Variants in UNG observed in about 807,000 individuals in gnomAD.
UNG encodes the protein uracil-DNA glycosylase.
Under a neutral mutation model 36.5 loss-of-function variants are expected in UNG, and 34 were observed. That is an observed-to-expected ratio of 0.93 (90% CI 0.71 to 1.24). The LOEUF is 1.24. Among genes scored for constraint, UNG ranks in the 50% most tolerant of loss-of-function variants. UNG has a pLI of 0.00. For synonymous variants in UNG, 172 were observed against 157.8 expected (o/e 1.09, Z -0.67); for missense variants, 391 against 397.6 (o/e 0.98, Z 0.14).
At chr12:109,100,878 A>G (rs921785093) in intron 3 of UNG, among the ~76,000 whole-genome samples, 1 of 152,198 alleles carries the variant, frequency 6.6e-6, no homozygotes, top group Admixed American at 6.5e-5. Flanking sequence ...TAAGAACGCA[A>G]TGGCAGAAGC....
chr12:109,102,896 C>T lies in UNG; in HGVS notation c.591C>T (p.Gly197=). ...STDIEDFVHP[G]HGDLSGWAKQ... is the part of the protein sequence containing the mutation. ...ACATAGAGGATTTTGTTCATCCTGG[C>T]CATGGAGATTTATCTGGGTGGGCCA... is the stretch of plus-strand genomic sequence containing the variant. The change falls in exon 5 of 7, where the codon GGC becomes GGT. Residue 197 remains glycine (G), a synonymous_variant. Coordinates refer to ENST00000242576, the MANE Select transcript of UNG (RefSeq NM_080911.3). 6.2e-7 allele frequency: 1 copy of T among 1,612,004 alleles called. No homozygotes were observed. Among genetic ancestry groups the T allele is most frequent in the South Asian group, 1.1e-5 (1 of 90,986 alleles).
chr12:109,097,856 A>G (rs1364113705), intron 1 of UNG, 45 bp downstream of exon 1: 1 of 1,482,140 alleles, frequency 6.7e-7, no homozygotes, highest in East Asian at 2.5e-5. Context: ...AGGGGGAGGA[A>G]GGCGGTGGGC....
Position 109,101,903 on chromosome 12 carries a change from T to C in UNG, c.437T>C (p.Val146Ala). 1 of 1,613,930 alleles carries C rather than the reference T, an allele frequency of 6.2e-7. No homozygotes were observed. Among genetic ancestry groups the C allele is most frequent in the Non-Finnish European group, 8.5e-7 (1 of 1,179,908 alleles). Reference sequence around the variant, plus strand: ...TTCCTGACCCCTGGTGGTTCACAGGTGAAGGTTGTCATCCTGGGACAGGAT... The same window carrying C: ...TTCCTGACCCCTGGTGGTTCACAGGCGAAGGTTGTCATCCTGGGACAGGAT... ...TWTQMCDIKDVKVVILGQDPY... is the reference protein window; with the variant it reads ...TWTQMCDIKDAKVVILGQDPY... Residue 146 changes from valine (V) to alanine (A), a missense_variant and splice_region_variant, in exon 4 of 7, where the codon GTG (valine) becomes GCG (alanine). Coordinates refer to ENST00000242576, the MANE Select transcript of UNG (RefSeq NM_080911.3).
At chr12:109,105,813 T>A (rs541584879) in intron 6 of UNG, among the ~76,000 whole-genome samples, 29 of 152,362 alleles carry the variant, frequency 1.9e-4, no homozygotes, top group African/African-American at 6.5e-4. Flanking sequence ...ACCTTTGCCT[T>A]CATTCAGGCC....
intron 3 of UNG, among the ~76,000 whole-genome samples, chr12:109,100,857 G>A (rs1427170476): frequency 6.6e-6 from 1 of 152,246 alleles, no homozygotes; most frequent in African/African-American, 2.4e-5. Context: ...GTCAGCTGTG[G>A]AGGAAGATTC....
In UNG at chr12:109,103,569, C is replaced by G. The variant is rs76391872; in HGVS notation, c.759C>G (p.Leu253=). The G allele has an allele frequency of 3.4e-3, 5,504 of 1,613,926 alleles. 176 individuals carry two copies. In the African/African-American group the frequency reaches 0.066, roughly 19 times the overall value. The change falls in exon 6 of 7, where the codon CTC becomes CTG. Residue 253 remains leucine, a synonymous_variant. Transcript: ENST00000242576. ...ACTCGAATGGCCTTGTTTTCTTGCT[C>G]TGGGGCTCTTATGCTCAGAAGAAGG... ...NQNSNGLVFL[L]WGSYAQKKGS...
At chr12:109,107,087 G>T (rs1223839377) in intron 6 of UNG, among the ~76,000 whole-genome samples, 2 of 150,880 alleles carry the variant, frequency 1.3e-5, no homozygotes, top group Non-Finnish European at 2.9e-5. Context: ...GTGTGTAGTG[G>T]TAGGTTATCC....
At position 109,101,913 on chromosome 12, in the gene UNG, C is replaced by A; in HGVS notation, c.447C>A (p.Val149=). 1 of 1,613,980 alleles carries A rather than the reference C, an allele frequency of 6.2e-7. No homozygotes were observed. Among genetic ancestry groups the A allele is most frequent in the South Asian group, 1.1e-5 (1 of 91,050 alleles). ...CTGGTGGTTCACAGGTGAAGGTTGTCATCCTGGGACAGGATCCATATCATG... is the reference window on the plus strand; with the variant it reads ...CTGGTGGTTCACAGGTGAAGGTTGTAATCCTGGGACAGGATCCATATCATG... The part of the protein sequence containing the change: ...QMCDIKDVKV[V]ILGQDPYHGP... Residue 149 remains valine (V), a synonymous_variant, in exon 4 of 7, where the codon GTC becomes GTA. Coordinates refer to ENST00000242576, the MANE Select transcript of UNG (RefSeq NM_080911.3).
intron 6 of UNG, 55 bp from the exon 7 acceptor site, chr12:109,109,774 A>C: frequency 6.2e-7 from 1 of 1,600,744 alleles, no homozygotes; most frequent in Non-Finnish European, 8.5e-7. Context: ...AAAAAAAAAA[A>C]AAAAAAATTT....
At chr12:109,109,565 AC>A (rs1193945642) in intron 6 of UNG, among the ~76,000 whole-genome samples, 2 of 151,946 alleles carry the variant, frequency 1.3e-5, no homozygotes, top group African/African-American at 4.8e-5. Context: ...CGAGCGGATC[AC>A]GAGGTCAAGA....
rs2042187808 is a variant in UNG at position 109,102,778 on chromosome 12, C to T, written c.534-61C>T. ...CTTTTCACATATGTCTTAGACGTTA[C>T]TGAGCTTTCAAAATTATGCTTAAGA... is the stretch of plus-strand genomic sequence containing the variant. On this transcript the variant is annotated intron_variant, in intron 4 of 6. Coordinates refer to ENST00000242576, the MANE Select transcript of UNG (RefSeq NM_080911.3). The T allele has an allele frequency of 4.3e-6, 6 of 1,386,968 alleles. No individual in the cohort carries two copies. The South Asian group carries it at 7.0e-5, about 16-fold the overall frequency. The allele number at this position is 1,386,968 out of a possible 1,614,324, so 85.9% of individuals were successfully genotyped here. A position where few individuals can be genotyped will look rare whatever the true frequency, so the allele number is the denominator to read the frequency against.
At chr12:109,103,695 T>C in intron 6 of UNG, 84 bp downstream of exon 6, 1 of 1,421,262 alleles carries the variant, frequency 7.0e-7, no homozygotes, top group Non-Finnish European at 9.6e-7. Flanking sequence ...CCCTGCTGTG[T>C]TTGGTCCTGG....
chr12:109,103,629 T>A lies in UNG; in HGVS notation c.801+18T>A. 1 of 1,567,376 alleles carries A rather than the reference T, an allele frequency of 6.4e-7. No homozygotes were observed. Among genetic ancestry groups the A allele is most frequent in the Non-Finnish European group, 8.6e-7 (1 of 1,156,226 alleles). The stretch of plus-strand genomic sequence containing the variant: ...TTGATAGGGTATGTTTTGTTTTCTT[T>A]CTTTTTTTTCTTTTTTTTTTAACAC... On this transcript the variant is annotated intron_variant, in intron 6 of 6. Coordinates refer to ENST00000242576, the MANE Select transcript of UNG (RefSeq NM_080911.3).
chr12:109,101,106 CTTTTTTTTTTTTTTT>C (rs71079522), intron 3 of UNG, among the ~76,000 whole-genome samples: 2 of 53,634 alleles, frequency 3.7e-5, no homozygotes, highest in African/African-American at 7.1e-5. Context: ...ATCTGAATTG[CTTTTTTTTTTTTTTT>C]TTTTTTTTTT....
At chr12:109,100,476 T>C (rs1479507021) in intron 3 of UNG, among the ~76,000 whole-genome samples, 1 of 152,238 alleles carries the variant, frequency 6.6e-6, no homozygotes, top group Non-Finnish European at 1.5e-5. Context: ...CCACACCTAA[T>C]ACTTAGAAAA....
At chr12:109,098,182 C>G (rs986808222) in intron 1 of UNG, 4 of 1,421,236 alleles carry the variant, frequency 2.8e-6, no homozygotes, top group South Asian at 1.6e-5. Context: ...GTGCAGGGTT[C>G]CCAGTCACCG....
In UNG at chr12:109,110,247, C is replaced by T. The variant is rs2042251259; in HGVS notation, c.*278C>T. 2.1e-6 allele frequency: 1 copy of T among 470,040 alleles called. No individual in the cohort carries two copies. The highest frequency in any genetic ancestry group is 3.9e-6 in the Non-Finnish European group (1 of 257,116). 29.1% of individuals were successfully genotyped at this position (470,040 alleles called of 1,614,324 possible). A position where few individuals can be genotyped will look rare whatever the true frequency, so the allele number is the denominator to read the frequency against. On this transcript the variant is annotated 3_prime_UTR_variant, in exon 7 of 7. Transcript: ENST00000242576. ...CAAATACTCAGTTGGCTCTCTTTAT[C>T]TCCCTTGCCTTTATGGTGAAACAGG...
At chr12:109,099,063 G>T (rs973554950) in intron 2 of UNG, 126 bp from the exon 3 acceptor site, 17 of 984,824 alleles carry the variant, frequency 1.7e-5, no homozygotes, top group Non-Finnish European at 2.6e-5. Context: ...TTTTTTAAAA[G>T]AATTTGGACA....
At chr12:109,100,282 C>G (rs2042166976) in intron 3 of UNG, among the ~76,000 whole-genome samples, 1 of 152,198 alleles carries the variant, frequency 6.6e-6, no homozygotes, top group South Asian at 2.1e-4. Flanking sequence ...CCTGCCACCT[C>G]TGTGATCCAG....
Sources: allele counts gnomAD v4.1 joint callset (sites outside exome capture counted in the v4.1 genomes callset), GRCh38; gene constraint gnomAD v4.1.1; transcripts MANE v1.5; gene names NCBI Gene and HGNC (gene_info 2026-07-23, HGNC 2026-07-21).